The following CDH18 variants were observed in gnomAD, a reference collection of about 807,000 sequenced individuals.
The protein encoded by CDH18 is cadherin-18.
CDH18 carries 31 observed loss-of-function variants against 67.9 expected under a neutral mutation model. The ratio of observed to expected loss-of-function variants is 0.46; its 90% CI spans 0.34 to 0.62. The LOEUF (loss-of-function observed/expected upper bound fraction) is 0.62, where lower values mean the gene tolerates loss of function less well. Ranked by LOEUF, CDH18 falls within the 20% of genes least tolerant of loss-of-function variation. The probability of loss-of-function intolerance (pLI) is 0.01; values close to 1 mark genes in which losing one functional copy is unlikely to be tolerated. For synonymous variants in CDH18, 362 were observed against 347.2 expected (o/e 1.04, Z -0.48); for missense variants, 890 against 975.5 (o/e 0.91, Z 1.17).
intron 11 of CDH18, among the ~76,000 whole-genome samples, chr5:19,484,851 A>G (rs11958649): frequency 0.25 from 37,482 of 152,104 alleles, 4,713 homozygotes; most frequent in African/African-American, 0.29. Flanking sequence ...CCAAATGCCA[A>G]TTCAACTCCA....
intron 10 of CDH18, among the ~76,000 whole-genome samples, chr5:19,503,688 T>C (rs1474848629): frequency 2.6e-5 from 4 of 152,156 alleles, no homozygotes; most frequent in Non-Finnish European, 4.4e-5. Context: ...CCGTGATTTA[T>C]GAATAACTTC....
intron 1 of CDH18, among the ~76,000 whole-genome samples, chr5:20,488,943 A>G (rs550601244): frequency 1.3e-5 from 2 of 152,102 alleles, no homozygotes; most frequent in East Asian, 3.9e-4. Context: ...TCATACATGT[A>G]TATCTCAACA....
At chr5:20,021,380 T>C (rs1308220004) in intron 2 of CDH18, among the ~76,000 whole-genome samples, 1 of 152,052 alleles carries the variant, frequency 6.6e-6, no homozygotes, top group African/African-American at 2.4e-5. Context: ...ACATGAGATT[T>C]GAGAGGGGCT....
rs79898795 is a variant in CDH18, at chr5:19,814,260, T to C, written c.228+24499A>G. On this transcript the variant is annotated intron_variant, in intron 3 of 12. Coordinates refer to ENST00000382275, the MANE Select transcript of CDH18 (RefSeq NM_004934.5). ...CCCAATAATATGAGCAAATCAAATG[T>C]TTCCCTTGTTGCTTAACGAATATTA... Among the ~76,000 whole-genome samples the C allele has an allele frequency of 3.6e-3, 546 of 152,090 alleles. 1 individual carries two copies. The highest frequency in any genetic ancestry group is 0.013 in the African/African-American group (527 of 41,520).
At chr5:20,393,610 T>C (rs889229192) in intron 1 of CDH18, among the ~76,000 whole-genome samples, 4 of 151,996 alleles carry the variant, frequency 2.6e-5, no homozygotes, top group Non-Finnish European at 4.4e-5. Context: ...TATGATGGTA[T>C]GCCTAGAAAA....
At chr5:20,121,897 G>A (rs905349086) in intron 2 of CDH18, among the ~76,000 whole-genome samples, 1 of 152,120 alleles carries the variant, frequency 6.6e-6, no homozygotes, top group Non-Finnish European at 1.5e-5. Flanking sequence ...GCTCAAAAAT[G>A]TTTTGTTAAG....
At chr5:20,312,988 T>C (rs185508043) in intron 1 of CDH18, among the ~76,000 whole-genome samples, 6 of 152,228 alleles carry the variant, frequency 3.9e-5, no homozygotes, top group African/African-American at 1.4e-4. Context: ...AAATAGCAGG[T>C]GCTTAAAACA....
In CDH18 at chr5:20,162,974, G is replaced by A. The variant is rs192403842; in HGVS notation, c.-518+92470C>T. ...CTTGGTAGGCTGGGGCCGGAGAATC[G>A]CTTGAACCCGGGAGGCGGAGGTTGC... is the stretch of plus-strand genomic sequence containing the variant. On this transcript the variant is annotated intron_variant, in intron 2 of 14. Coordinates refer to the CDH18 transcript ENST00000507958. Among the ~76,000 whole-genome samples the A allele has an allele frequency of 1.7e-3, 265 of 152,010 alleles. 1 individual carries two copies. Among genetic ancestry groups the A allele is most frequent in the Admixed American group, 2.6e-3 (39 of 15,264 alleles).
chr5:20,199,492 G>C (rs1279674686), intron 2 of CDH18, among the ~76,000 whole-genome samples: 2 of 152,176 alleles, frequency 1.3e-5, no homozygotes, highest in Non-Finnish European at 2.9e-5. Flanking sequence ...TAGTATCTAG[G>C]AAGTAACTAA....
chr5:20,546,089 G>T (rs983301421), intron 1 of CDH18, among the ~76,000 whole-genome samples: 2 of 152,092 alleles, frequency 1.3e-5, no homozygotes, highest in African/African-American at 4.8e-5. Context: ...GCAAAATGCT[G>T]CCAGTCTCTT....
chr5:20,016,075 AT>A (rs1192571828), intron 2 of CDH18, among the ~76,000 whole-genome samples: 6 of 152,164 alleles, frequency 3.9e-5, no homozygotes, highest in Non-Finnish European at 5.9e-5. Flanking sequence ...ATACCCATCA[AT>A]AGCAGACTGG....
chr5:20,131,581 A>G (rs942819653), intron 2 of CDH18, among the ~76,000 whole-genome samples: 5 of 152,150 alleles, frequency 3.3e-5, no homozygotes, highest in Admixed American at 6.5e-5. Context: ...TCTATTGTGT[A>G]TGTACATTTG....
chr5:20,512,884 CA>C (rs71695578), intron 1 of CDH18, among the ~76,000 whole-genome samples: 1,327 of 125,766 alleles, frequency 0.011, 12 homozygotes, highest in African/African-American at 0.029. Context: ...ACTCTGTCTC[CA>C]AAAAAAAAAA....
intron 1 of CDH18, among the ~76,000 whole-genome samples, chr5:20,573,829 A>ATATG (rs1177117290): frequency 3.8e-5 from 1 of 26,394 alleles, no homozygotes; most frequent in African/African-American, 1.8e-4. Context: ...ATATATATAT[A>ATATG]TATATATATA....
intron 2 of CDH18, among the ~76,000 whole-genome samples, chr5:20,224,228 T>C (rs770943842): frequency 6.6e-6 from 1 of 152,126 alleles, no homozygotes; most frequent in East Asian, 1.9e-4. Context: ...TCTAGAAATA[T>C]AGGTCAAGTA....
chr5:20,143,213 C>A (rs184108471), intron 2 of CDH18, among the ~76,000 whole-genome samples: 1 of 151,770 alleles, frequency 6.6e-6, no homozygotes, highest in Non-Finnish European at 1.5e-5. Context: ...AAGGGGATTC[C>A]GATGAAGTCT....
At chr5:20,214,037 A>G (rs894539827) in intron 2 of CDH18, among the ~76,000 whole-genome samples, 2 of 152,026 alleles carry the variant, frequency 1.3e-5, no homozygotes, top group Non-Finnish European at 2.9e-5. Context: ...ATTCCTATAA[A>G]CCAACAGCAG....
At chr5:19,814,401 A>G (rs1779073375) in intron 3 of CDH18, among the ~76,000 whole-genome samples, 1 of 152,160 alleles carries the variant, frequency 6.6e-6, no homozygotes, top group Non-Finnish European at 1.5e-5. Flanking sequence ...GCATATACAT[A>G]CAAATGCAAT....
chr5:20,232,003 C>G (rs1004644740), intron 2 of CDH18, among the ~76,000 whole-genome samples: 5 of 150,050 alleles, frequency 3.3e-5, no homozygotes, highest in Non-Finnish European at 7.4e-5. Context: ...AATAAACACT[C>G]AAACTCTTCT....
Sources: allele counts gnomAD v4.1 joint callset (sites outside exome capture counted in the v4.1 genomes callset), GRCh38; gene constraint gnomAD v4.1.1; transcripts MANE v1.5; gene names NCBI Gene and HGNC (gene_info 2026-07-23, HGNC 2026-07-21).